Variants in MACROD2 observed in about 807,000 individuals in gnomAD.
MACROD2 encodes mono-ADP ribosylhydrolase 2, also known as ADP-ribose glycohydrolase MACROD2.
Under a neutral mutation model 70.4 loss-of-function variants are expected in MACROD2, and 36 were observed. The observed-to-expected ratio is 0.51, with a 90% confidence interval of 0.39 to 0.68. MACROD2 has a LOEUF of 0.68. Ranked by LOEUF, MACROD2 falls within the 30% of genes least tolerant of loss-of-function variation. The probability of loss-of-function intolerance (pLI) is 0.00; values close to 1 mark genes in which losing one functional copy is unlikely to be tolerated. For missense variants in MACROD2, 496 were observed against 538.4 expected, an observed-to-expected ratio of 0.92 and a Z score of 0.78; for synonymous variants, 172 against 178.8, an observed-to-expected ratio of 0.96 and a Z score of 0.30.
intron 17 of MACROD2, among the ~76,000 whole-genome samples, chr20:16,046,346 A>G (rs564401876): frequency 1.3e-5 from 2 of 148,540 alleles, no homozygotes; most frequent in East Asian, 3.9e-4. Context: ...TTTTTTTTTT[A>G]CTTTCTTTAT....
chr20:15,140,710 G>A (rs890200184), intron 5 of MACROD2, among the ~76,000 whole-genome samples: 2 of 152,140 alleles, frequency 1.3e-5, no homozygotes, highest in Non-Finnish European at 1.5e-5. Context: ...GAGGTCAAAA[G>A]TGGTGAGACA....
intron 3 of MACROD2, among the ~76,000 whole-genome samples, chr20:14,476,682 C>T (rs2084599115): frequency 6.6e-6 from 1 of 152,204 alleles, no homozygotes; most frequent in South Asian, 2.1e-4. Flanking sequence ...TATAATTTGA[C>T]TCACAGTCAG....
intron 6 of MACROD2, among the ~76,000 whole-genome samples, chr20:15,385,599 T>C (rs2045702350): frequency 6.6e-6 from 1 of 152,168 alleles, no homozygotes; most frequent in South Asian, 2.1e-4. Context: ...CTCAGTGTCC[T>C]CTTGAGAATG....
intron 6 of MACROD2, among the ~76,000 whole-genome samples, chr20:15,379,721 T>C (rs1400206858): frequency 2.0e-5 from 3 of 152,210 alleles, no homozygotes; most frequent in Admixed American, 6.6e-5. Flanking sequence ...TTTTATTGAA[T>C]TTATGTAAGA....
chr20:14,474,518 C>G (rs566982482), intron 3 of MACROD2, among the ~76,000 whole-genome samples: 1 of 152,144 alleles, frequency 6.6e-6, no homozygotes, highest in South Asian at 2.1e-4. Context: ...TCTGATGTAT[C>G]TTTGTTGATT....
At chr20:15,466,887 A>G (rs1046747887) in intron 7 of MACROD2, among the ~76,000 whole-genome samples, 4 of 152,076 alleles carry the variant, frequency 2.6e-5, no homozygotes, top group African/African-American at 9.7e-5. Flanking sequence ...TTTTTGTTTT[A>G]CTCCTGAGGA....
chr20:15,314,292 C>T (rs1263771458), intron 6 of MACROD2, among the ~76,000 whole-genome samples: 2 of 151,772 alleles, frequency 1.3e-5, no homozygotes, highest in Admixed American at 6.6e-5. Context: ...AAAAAAAAGG[C>T]AACTTTAAAA....
At chr20:14,949,833 T>C (rs1240892326) in intron 5 of MACROD2, among the ~76,000 whole-genome samples, 1 of 152,196 alleles carries the variant, frequency 6.6e-6, no homozygotes, top group Non-Finnish European at 1.5e-5. Context: ...TAATGTATCT[T>C]ATCTCTAAGC....
intron 4 of MACROD2, among the ~76,000 whole-genome samples, chr20:14,540,101 A>G (rs1243028648): frequency 2.6e-5 from 4 of 152,210 alleles, no homozygotes; most frequent in Admixed American, 6.5e-5. Context: ...CATTATGGCA[A>G]TGTCCTTAAT....
intron 6 of MACROD2, among the ~76,000 whole-genome samples, chr20:15,320,210 A>AG (rs2146169776): frequency 6.6e-6 from 1 of 152,290 alleles, no homozygotes; most frequent in South Asian, 2.1e-4. Flanking sequence ...CTCAAAAAAA[A>AG]CAAAACAAAA....
At chr20:15,531,586 T>C (rs1317630192) in intron 8 of MACROD2, among the ~76,000 whole-genome samples, 1 of 152,166 alleles carries the variant, frequency 6.6e-6, no homozygotes, top group Non-Finnish European at 1.5e-5. Flanking sequence ...TACCACATTA[T>C]TGATATTGTA....
chr20:14,404,960 GA>G (rs1030070892), intron 3 of MACROD2, among the ~76,000 whole-genome samples: 4 of 151,104 alleles, frequency 2.6e-5, no homozygotes, highest in African/African-American at 4.9e-5. Context: ...GTTGAAAAAA[GA>G]AAAAAAATAT....
chr20:15,389,927 A>G (rs540367874), intron 6 of MACROD2, among the ~76,000 whole-genome samples: 1 of 152,334 alleles, frequency 6.6e-6, no homozygotes, highest in Admixed American at 6.5e-5. Context: ...TGGAAAAACA[A>G]TATTTAAAAC....
chr20:14,963,871 T>A (rs373965868), intron 5 of MACROD2, among the ~76,000 whole-genome samples: 327 of 152,284 alleles, frequency 2.1e-3, no homozygotes, highest in African/African-American at 7.3e-3. Context: ...TTCTTACAAC[T>A]TACAAATAAA....
chr20:14,154,517 C>G (rs1270221936), intron 3 of MACROD2, among the ~76,000 whole-genome samples: 1 of 148,612 alleles, frequency 6.7e-6, no homozygotes, highest in Non-Finnish European at 1.5e-5. Flanking sequence ...TCCCAAGTAG[C>G]TGGGACGACA....
At chr20:14,604,910 A>C (rs977509485) in intron 4 of MACROD2, among the ~76,000 whole-genome samples, 1 of 152,202 alleles carries the variant, frequency 6.6e-6, no homozygotes, top group Admixed American at 6.5e-5. Flanking sequence ...TTATGTATGG[A>C]AAGGCTGGTA....
intron 6 of MACROD2, among the ~76,000 whole-genome samples, chr20:15,287,674 G>A (rs2077504101): frequency 6.6e-6 from 1 of 152,178 alleles, no homozygotes; most frequent in Admixed American, 6.5e-5. Flanking sequence ...AATAAAGGGG[G>A]CGTATGGGTT....
chr20:14,572,627 A>G (rs1455270672), intron 4 of MACROD2, among the ~76,000 whole-genome samples: 2 of 152,126 alleles, frequency 1.3e-5, no homozygotes, highest in Non-Finnish European at 2.9e-5. Flanking sequence ...GTTAAAAAGT[A>G]TATTCTTTGT....
At chr20:15,968,176 AGATAAAT>A (rs1189075629) in intron 13 of MACROD2, among the ~76,000 whole-genome samples, 1 of 152,218 alleles carries the variant, frequency 6.6e-6, no homozygotes, top group East Asian at 1.9e-4. Flanking sequence ...GAATTTCTGA[AGATAAAT>A]GATAAAGAAA....
Sources: allele counts gnomAD v4.1 joint callset (sites outside exome capture counted in the v4.1 genomes callset), GRCh38; gene constraint gnomAD v4.1.1; transcripts MANE v1.5; gene names NCBI Gene and HGNC (gene_info 2026-07-23, HGNC 2026-07-21).